AKAP13: variants seen among roughly 807,000 people sequenced by gnomAD.
AKAP13 encodes A-kinase anchor protein 13.
AKAP13 carries 80 observed loss-of-function variants against 264.5 expected under a neutral mutation model. The observed-to-expected ratio is 0.30, with a 90% CI of 0.25 to 0.36. AKAP13 has a LOEUF of 0.36. AKAP13 is among the 10% of genes least tolerant of loss of function. AKAP13 has a pLI of 1.00. For missense variants in AKAP13, 3,712 were observed against 3,435.2 expected, an observed-to-expected ratio of 1.08 and a Z score of -2.01; for synonymous variants, 1,380 against 1,250.2, an observed-to-expected ratio of 1.10 and a Z score of -2.19.
chr15:85,674,792 TCTAA>T (rs1245679726), intron 14 of AKAP13, among the ~76,000 whole-genome samples: 1 of 152,156 alleles, frequency 6.6e-6, no homozygotes, highest in African/African-American at 2.4e-5. Context: ...GGATTTCTTC[TCTAA>T]CTATGATGGG....
intron 1 of AKAP13, among the ~76,000 whole-genome samples, chr15:85,426,246 G>A (rs1233936677): frequency 3.3e-5 from 5 of 152,148 alleles, no homozygotes; most frequent in African/African-American, 4.8e-5. Flanking sequence ...ACTGTATTAC[G>A]AGACCTTGAA....
At chr15:85,712,297 TG>T (rs1306792917) in intron 19 of AKAP13, among the ~76,000 whole-genome samples, 4 of 152,236 alleles carry the variant, frequency 2.6e-5, no homozygotes, top group African/African-American at 9.6e-5. Flanking sequence ...ATATTTAATC[TG>T]GTTTTTATCC....
chr15:85,685,012 T>A, intron 16 of AKAP13, 139 bp downstream of exon 16: 1 of 1,068,640 alleles, frequency 9.4e-7, no homozygotes, highest in Non-Finnish European at 1.3e-6. Flanking sequence ...GCCTAATATT[T>A]AAAGGAAAAT....
chr15:85,507,417 C>T (rs1362714486), intron 2 of AKAP13, among the ~76,000 whole-genome samples: 2 of 150,630 alleles, frequency 1.3e-5, no homozygotes, highest in African/African-American at 4.9e-5. Context: ...CGAGTAGTTG[C>T]AGTAGTAACC....
chr15:85,562,355 A>T (rs2880855), intron 5 of AKAP13, among the ~76,000 whole-genome samples: 4 of 151,134 alleles, frequency 2.6e-5, no homozygotes, highest in Non-Finnish European at 5.9e-5. Context: ...ACCTGAGGTC[A>T]GGAGTTTGAG....
chr15:85,592,324 G>A (rs576705497), intron 8 of AKAP13, among the ~76,000 whole-genome samples: 40 of 152,234 alleles, frequency 2.6e-4, no homozygotes, highest in Admixed American at 5.2e-4. Context: ...TGTATTGTGT[G>A]GCTGTTCACA....
At chr15:85,478,978 A>G (rs1201550022) in intron 1 of AKAP13, among the ~76,000 whole-genome samples, 3 of 152,182 alleles carry the variant, frequency 2.0e-5, no homozygotes, top group Non-Finnish European at 4.4e-5. Context: ...GTTCATGTGT[A>G]CTAAGGTTCA....
Position 85,730,476 on chromosome 15 carries a change from A to C in AKAP13, c.7088-37A>C, listed in dbSNP as rs1480694594. 4 of 1,602,576 alleles carry C rather than the reference A, an allele frequency of 2.5e-6. No homozygotes were observed. The East Asian group carries it at 6.7e-5, about 27-fold the overall frequency. ...TTAGTCATTCTCGTAATTACTAAAC[A>C]CCAATCAAATCACAGATCATTTTCT... On this transcript the variant is annotated intron_variant, in intron 29 of 36. Transcript: ENST00000394518.
chr15:85,740,509 A>T, intron 34 of AKAP13: 1 of 515,872 alleles, frequency 1.9e-6, no homozygotes. Flanking sequence ...GCTACAAATC[A>T]CATAGCATGC....
intron 10 of AKAP13, among the ~76,000 whole-genome samples, chr15:85,647,500 T>G (rs2082609566): frequency 6.8e-6 from 1 of 148,028 alleles, no homozygotes; most frequent in African/African-American, 2.5e-5. Flanking sequence ...CTGTGTGCCT[T>G]CCTTTCATTT....
intron 1 of AKAP13, among the ~76,000 whole-genome samples, chr15:85,404,149 A>G (rs1206010732): frequency 6.6e-6 from 1 of 152,218 alleles, no homozygotes; most frequent in East Asian, 1.9e-4. Context: ...AAAGATTTTT[A>G]AGGAGAGGGA....
Position 85,487,198 on chromosome 15 carries a change from G to T in AKAP13, c.33+1445G>T, listed in dbSNP as rs577839513. Among the ~76,000 whole-genome samples, 4 of 152,288 alleles carry T rather than the reference G, an allele frequency of 2.6e-5. No homozygotes were observed. The South Asian group carries it at 8.3e-4, about 32-fold the overall frequency. The stretch of plus-strand genomic sequence containing the variant: ...ATGCCTTAGGATTTTCTCTGTACAG[G>T]ATCAAGTGATCAGAGATCGTTTTCT... On this transcript the variant is annotated intron_variant, in intron 2 of 36. Transcript: ENST00000394518.
chr15:85,539,046 T>A (rs1385791080), intron 4 of AKAP13, among the ~76,000 whole-genome samples: 2 of 151,730 alleles, frequency 1.3e-5, no homozygotes, highest in Admixed American at 6.6e-5. Context: ...TTAGCCAGGA[T>A]GGTCTCGATC....
At chr15:85,588,659 C>T (rs1363924592) in intron 8 of AKAP13, among the ~76,000 whole-genome samples, 1 of 152,194 alleles carries the variant, frequency 6.6e-6, no homozygotes, top group Admixed American at 6.5e-5. Context: ...CTTTCCTCTT[C>T]TCCTTTTTTC....
chr15:85,454,784 C>T (rs745389996), intron 1 of AKAP13, among the ~76,000 whole-genome samples: 17 of 152,180 alleles, frequency 1.1e-4, no homozygotes, highest in East Asian at 1.9e-4. Context: ...CACCCCAGAA[C>T]GAGACTTTGC....
intron 30 of AKAP13, among the ~76,000 whole-genome samples, chr15:85,730,997 CTTTTTTTTTT>C (rs71468134): frequency 3.5e-5 from 2 of 57,380 alleles, no homozygotes; most frequent in African/African-American, 1.5e-4. Context: ...GTCACTTATG[CTTTTTTTTTT>C]TTTTTTTTTT....
chr15:85,397,122 T>C (rs953564794), intron 1 of AKAP13, among the ~76,000 whole-genome samples: 1 of 149,170 alleles, frequency 6.7e-6, no homozygotes, highest in African/African-American at 2.5e-5. Flanking sequence ...GGTAATTGAA[T>C]ACCTCCATAA....
intron 1 of AKAP13, among the ~76,000 whole-genome samples, chr15:85,405,899 G>C (rs1416086796): frequency 6.6e-6 from 1 of 151,988 alleles, no homozygotes; most frequent in Admixed American, 6.6e-5. Flanking sequence ...AAGGCTGTTA[G>C]AGTACACTGG....
intron 1 of AKAP13, among the ~76,000 whole-genome samples, chr15:85,473,046 C>A (rs754982949): frequency 5.9e-5 from 9 of 152,142 alleles, no homozygotes; most frequent in African/African-American, 1.9e-4. Flanking sequence ...ATAGGTGTTT[C>A]ATAAAATCAC....
Sources: allele counts gnomAD v4.1 joint callset (sites outside exome capture counted in the v4.1 genomes callset), GRCh38; gene constraint gnomAD v4.1.1; transcripts MANE v1.5; gene names NCBI Gene and HGNC (gene_info 2026-07-23, HGNC 2026-07-21).